EXOC6B: variants seen among roughly 807,000 people sequenced by gnomAD.
EXOC6B encodes the protein exocyst complex component 6B.
Under a neutral mutation model 113.5 loss-of-function variants are expected in EXOC6B, and 54 were observed. The observed-to-expected ratio is 0.48, with a 90% confidence interval of 0.38 to 0.60. EXOC6B has a LOEUF of 0.60. Ranked by LOEUF, EXOC6B falls within the 20% of genes least tolerant of loss-of-function variation. EXOC6B has a pLI of 0.00. For synonymous variants in EXOC6B, 357 were observed against 339.0 expected, an observed-to-expected ratio of 1.05 and a Z score of -0.58; for missense variants, 797 against 977.5, an observed-to-expected ratio of 0.82 and a Z score of 2.46.
intron 1 of EXOC6B, among the ~76,000 whole-genome samples, chr2:72,778,756 T>C (rs1248706559): frequency 6.6e-6 from 1 of 152,172 alleles, no homozygotes; most frequent in East Asian, 1.9e-4. Context: ...TCCTTTGGGG[T>C]AAAGACTATC....
At chr2:72,257,268 T>C (rs1444996196) in intron 20 of EXOC6B, among the ~76,000 whole-genome samples, 2 of 152,138 alleles carry the variant, frequency 1.3e-5, no homozygotes, top group Non-Finnish European at 2.9e-5. Context: ...AAAAAAACCA[T>C]ATCTTTGTTT....
intron 17 of EXOC6B, among the ~76,000 whole-genome samples, chr2:72,468,515 C>T (rs189966420): frequency 5.3e-5 from 8 of 152,180 alleles, no homozygotes; most frequent in South Asian, 4.1e-4. Flanking sequence ...TATGTTTTTA[C>T]GCCAGAATCA....
chr2:72,275,905 A>G (rs1390943797), intron 20 of EXOC6B, among the ~76,000 whole-genome samples: 1 of 152,138 alleles, frequency 6.6e-6, no homozygotes, highest in Non-Finnish European at 1.5e-5. Context: ...CTGTCAGCAA[A>G]GCTGAGAGGC....
chr2:72,369,095 T>A lies in EXOC6B; in HGVS notation c.2122+10634A>T, dbSNP rs555426792. The stretch of plus-strand genomic sequence containing the variant: ...AAATTGTCTCTGTTTGCAGATGACA[T>A]GATTGTATATCTAGAAAACCCCACT... On this transcript the variant is annotated intron_variant, in intron 19 of 21. Coordinates refer to ENST00000272427, the MANE Select transcript of EXOC6B (RefSeq NM_015189.3). Among the ~76,000 whole-genome samples the A allele has an allele frequency of 3.3e-5, 5 of 152,332 alleles. No individual in the cohort carries two copies. In the East Asian group the frequency reaches 9.6e-4, roughly 29 times the overall value.
chr2:72,189,360 G>GT (rs760734803), intron 20 of EXOC6B, among the ~76,000 whole-genome samples: 4 of 152,010 alleles, frequency 2.6e-5, no homozygotes, highest in South Asian at 2.1e-4. Flanking sequence ...AGAACACTAT[G>GT]TAAGTGATGC....
intron 8 of EXOC6B, among the ~76,000 whole-genome samples, chr2:72,538,269 C>T (rs758690644): frequency 2.7e-4 from 41 of 151,948 alleles, no homozygotes; most frequent in Non-Finnish European, 4.7e-4. Context: ...GAAATTTCTT[C>T]ACTATAAGAG....
chr2:72,784,607 G>T (rs1270920637), intron 1 of EXOC6B, among the ~76,000 whole-genome samples: 1 of 152,120 alleles, frequency 6.6e-6, no homozygotes, highest in Admixed American at 6.5e-5. Flanking sequence ...AGAAGCAAAA[G>T]CGGAAACCCC....
intron 7 of EXOC6B, among the ~76,000 whole-genome samples, chr2:72,566,011 T>G (rs375742317): frequency 6.6e-6 from 1 of 151,678 alleles, no homozygotes; most frequent in Non-Finnish European, 1.5e-5. Flanking sequence ...GGTTTTGTTT[T>G]GTTTTTTTTT....
chr2:72,499,062 T>A (rs1337634523), intron 12 of EXOC6B, among the ~76,000 whole-genome samples: 1 of 151,990 alleles, frequency 6.6e-6, no homozygotes, highest in Non-Finnish European at 1.5e-5. Context: ...GTAGTTCAAT[T>A]AATTGATTTG....
At chr2:72,202,251 G>GA (rs1346770265) in intron 20 of EXOC6B, among the ~76,000 whole-genome samples, 2 of 152,196 alleles carry the variant, frequency 1.3e-5, no homozygotes, top group Admixed American at 1.3e-4. Context: ...GAAAGCACTT[G>GA]AAAACTTCAT....
chr2:72,476,218 T>C (rs750424400), intron 17 of EXOC6B, among the ~76,000 whole-genome samples: 1 of 152,234 alleles, frequency 6.6e-6, no homozygotes, highest in Non-Finnish European at 1.5e-5. Context: ...TGGAAACCAC[T>C]GAAAGTTTCT....
At chr2:72,631,461 TAGAGAGAGAGAGAGAGAG>T (rs372313608) in intron 6 of EXOC6B, among the ~76,000 whole-genome samples, 134 of 9,656 alleles carry the variant, frequency 0.014, no homozygotes, top group African/African-American at 0.025. Flanking sequence ...TATATATATA[TAGAGAGAGAGAGAGAGAG>T]AGAGAGAGAG....
intron 20 of EXOC6B, among the ~76,000 whole-genome samples, chr2:72,316,398 G>A (rs10164613): frequency 0.026 from 3,995 of 152,210 alleles, 193 homozygotes; most frequent in African/African-American, 0.091. Flanking sequence ...CATGTACTAG[G>A]TTCCAGGAAC....
chr2:72,662,959 T>C (rs1438631360), intron 6 of EXOC6B, among the ~76,000 whole-genome samples: 1 of 152,158 alleles, frequency 6.6e-6, no homozygotes, highest in Non-Finnish European at 1.5e-5. Flanking sequence ...GACCTTGTGA[T>C]CTGCCCACCT....
intron 18 of EXOC6B, among the ~76,000 whole-genome samples, chr2:72,438,998 T>G (rs1696041738): frequency 6.6e-6 from 1 of 152,190 alleles, no homozygotes; most frequent in Non-Finnish European, 1.5e-5. Context: ...TCTGATGCTA[T>G]TACTCAAGAA....
At chr2:72,743,499 A>G (rs764580349) in intron 1 of EXOC6B, among the ~76,000 whole-genome samples, 1 of 151,850 alleles carries the variant, frequency 6.6e-6, no homozygotes, top group Non-Finnish European at 1.5e-5. Flanking sequence ...TTGTTTTTGC[A>G]GTTCTTATAC....
intron 8 of EXOC6B, among the ~76,000 whole-genome samples, chr2:72,543,842 G>A (rs556982052): frequency 3.7e-4 from 56 of 152,332 alleles, no homozygotes; most frequent in African/African-American, 1.3e-3. Flanking sequence ...GAGGCAGTAA[G>A]ATATGGCAGG....
chr2:72,201,461 A>G (rs949271485), intron 20 of EXOC6B, among the ~76,000 whole-genome samples: 2 of 152,182 alleles, frequency 1.3e-5, no homozygotes, highest in Non-Finnish European at 2.9e-5. Flanking sequence ...CATTTAGTGA[A>G]CCAGCTTAAA....
chr2:72,680,676 T>C (rs1417966471), intron 6 of EXOC6B, among the ~76,000 whole-genome samples: 1 of 151,732 alleles, frequency 6.6e-6, no homozygotes, highest in Admixed American at 6.6e-5. Flanking sequence ...GAGGTGGAGG[T>C]TGCAGTGAGC....
Sources: allele counts gnomAD v4.1 joint callset (sites outside exome capture counted in the v4.1 genomes callset), GRCh38; gene constraint gnomAD v4.1.1; transcripts MANE v1.5; gene names NCBI Gene and HGNC (gene_info 2026-07-23, HGNC 2026-07-21).